Variants in SV2B observed in about 807,000 individuals in gnomAD.
SV2B encodes synaptic vesicle glycoprotein 2B.
A neutral mutation model predicts 73.9 loss-of-function variants in SV2B; 41 were observed. That is an observed-to-expected ratio of 0.56 (90% CI 0.43 to 0.72). The LOEUF (loss-of-function observed/expected upper bound fraction) is 0.72. Among genes scored for constraint, SV2B ranks in the 30% least tolerant of loss-of-function variants. SV2B has a pLI of 0.00. For missense variants in SV2B, 764 were observed against 857.8 expected, an observed-to-expected ratio of 0.89 and a Z score of 1.37; for synonymous variants, 314 against 314.2, an observed-to-expected ratio of 1.00 and a Z score of 0.01.
In SV2B at chr15:91,129,706, C is replaced by T. The variant is rs79681400; in HGVS notation, c.-392+29343C>T. Among the ~76,000 whole-genome samples, 3,101 of 152,260 alleles carry T rather than the reference C, an allele frequency of 0.02. 127 individuals carry two copies. Among genetic ancestry groups the T allele is most frequent in the African/African-American group, 0.07 (2,920 of 41,528 alleles). Reference sequence around the variant, plus strand: ...TGGAGGCGATCTGTTTGATGTGATACGGTCTGTGGATGGAGGCAGTATAAC... The same window carrying T: ...TGGAGGCGATCTGTTTGATGTGATATGGTCTGTGGATGGAGGCAGTATAAC... On this transcript the variant is annotated intron_variant, in intron 1 of 12. Coordinates refer to ENST00000394232, the MANE Select transcript of SV2B (RefSeq NM_001323032.3). This position sits in a 1 kb window ranked among gnomAD's most constrained non-coding sequence, Gnocchi z 5.1.
rs761997095 is a variant in SV2B at position 91,268,623 on chromosome 15, G to A, written c.1373+18G>A. ...AATGATAAGTAAGTGAGTGATCACG[G>A]GCTTCCCTCACATCAGGGTGACAGT... On this transcript the variant is annotated intron_variant, in intron 9 of 12. Transcript: ENST00000394232. The surrounding 1 kb of genome is among the most constrained non-coding windows in gnomAD (Gnocchi z 4.4). 4 of 1,602,788 alleles carry A rather than the reference G, an allele frequency of 2.5e-6. No homozygotes were observed. The East Asian group carries it at 6.7e-5, about 27-fold the overall frequency.
chr15:91,266,472 G>A lies in SV2B; in HGVS notation c.1009-110G>A, dbSNP rs937852423. On this transcript the variant is annotated intron_variant, in intron 6 of 12. Transcript: ENST00000394232. ...TTTTGAGTATGCTCTTTGAGAAATC[G>A]CAGACTCCTCTAGTCCTAAATCAGT... is the stretch of plus-strand genomic sequence containing the variant. The A allele has an allele frequency of 2.6e-5, 20 of 771,774 alleles. No homozygotes were observed. In the African/African-American group the frequency reaches 3.0e-4, roughly 12 times the overall value. 47.8% of individuals were successfully genotyped at this position (771,774 alleles called of 1,614,324 possible).
intron 1 of SV2B, among the ~76,000 whole-genome samples, chr15:91,163,257 T>A (rs76342490): frequency 5.3e-5 from 8 of 152,020 alleles, no homozygotes; most frequent in African/African-American, 1.9e-4. Context: ...AGCATGATTT[T>A]TAACCCTTTG....
In SV2B at chr15:91,153,201, AC is replaced by A. The variant is rs563957119; in HGVS notation, c.-392+52839del. On this transcript the variant is annotated intron_variant, in intron 1 of 12. Coordinates refer to ENST00000394232, the MANE Select transcript of SV2B (RefSeq NM_001323032.3). ...AAGGTGGAGCCCTCGTGACTTACTT[AC>A]TTCACCTCCACCTCTTAATACTATC... is the stretch of plus-strand genomic sequence containing the variant. Among the ~76,000 whole-genome samples the A allele has an allele frequency of 2.3e-4, 35 of 152,260 alleles. No individual in the cohort carries two copies. In the East Asian group the frequency reaches 6.8e-3, roughly 29 times the overall value.
chr15:91,266,868 T>C (rs1240467355), intron 7 of SV2B, 176 bp downstream of exon 7: 1 of 505,840 alleles, frequency 2.0e-6, no homozygotes, highest in Non-Finnish European at 3.5e-6. Flanking sequence ...TAGCTTGCTG[T>C]GTGCCCTGGA....
chr15:91,283,821 G>A lies in SV2B; in HGVS notation c.1508-200G>A, dbSNP rs1053994084. On this transcript the variant is annotated intron_variant, in intron 10 of 12. Transcript: ENST00000394232. This position sits in a 1 kb window ranked among gnomAD's most constrained non-coding sequence, Gnocchi z 4.3. ...CCCTTGCTTTTAGGAACTTGAACAG[G>A]TCATTACATTTTTGGAAGTTTCTCT... is the stretch of plus-strand genomic sequence containing the variant. Among the ~76,000 whole-genome samples the A allele has an allele frequency of 3.5e-5, 5 of 141,168 alleles. No individual in the cohort carries two copies. The highest frequency in any genetic ancestry group is 1.4e-4 in the African/African-American group (5 of 35,464). 92.6% of individuals were successfully genotyped at this position (141,168 alleles called of 152,430 possible).
intron 1 of SV2B, among the ~76,000 whole-genome samples, chr15:91,174,398 T>G (rs993444786): frequency 3.9e-5 from 6 of 152,126 alleles, no homozygotes; most frequent in African/African-American, 1.4e-4. Flanking sequence ...TGTTTGAGAG[T>G]GCTTAGTAGG....
At chr15:91,206,201 CTT>C (rs538615675) in intron 1 of SV2B, among the ~76,000 whole-genome samples, 18 of 101,898 alleles carry the variant, frequency 1.8e-4, no homozygotes, top group East Asian at 5.4e-4. Context: ...CCATGCCTGG[CTT>C]TTTTTTTTTT....
intron 11 of SV2B, among the ~76,000 whole-genome samples, chr15:91,286,824 A>G (rs905400247): frequency 6.6e-6 from 1 of 152,134 alleles, no homozygotes; most frequent in Non-Finnish European, 1.5e-5. Flanking sequence ...AGGCCTCCCA[A>G]TTACCAGAGG....
At chr15:91,191,159 G>A (rs144623822) in intron 1 of SV2B, among the ~76,000 whole-genome samples, 4 of 145,506 alleles carry the variant, frequency 2.7e-5, no homozygotes, top group East Asian at 2.1e-4. Flanking sequence ...TCCGCCTCCC[G>A]GGTTCAAGCG....
At chr15:91,233,172 A>G (rs1253270723) in intron 2 of SV2B, among the ~76,000 whole-genome samples, 1 of 152,226 alleles carries the variant, frequency 6.6e-6, no homozygotes, top group East Asian at 1.9e-4. Flanking sequence ...AGGAGTAAAG[A>G]GAGCACTGAT....
In SV2B at chr15:91,136,753, C is replaced by T. The variant is rs1341201783; in HGVS notation, c.-392+36390C>T. 6.6e-6 allele frequency among the ~76,000 whole-genome samples: 1 copy of T among 152,042 alleles called. No individual in the cohort carries two copies. Among genetic ancestry groups the T allele is most frequent in the African/African-American group, 2.4e-5 (1 of 41,408 alleles). ...CTCAGGGAGGAGGGGGTGGTGACAG[C>T]CGGGTTGACCAGCTCTCCTGCTGTG... On this transcript the variant is annotated intron_variant, in intron 1 of 12. Coordinates refer to ENST00000394232, the MANE Select transcript of SV2B (RefSeq NM_001323032.3). This position sits in a 1 kb window ranked among gnomAD's most constrained non-coding sequence, Gnocchi z 5.6.
At chr15:91,279,192 G>C (rs1035320908) in intron 9 of SV2B, among the ~76,000 whole-genome samples, 1 of 152,172 alleles carries the variant, frequency 6.6e-6, no homozygotes, top group African/African-American at 2.4e-5. Context: ...CCTCTATCTT[G>C]ATAATCATCA....
intron 1 of SV2B, among the ~76,000 whole-genome samples, chr15:91,215,068 T>G (rs767708888): frequency 6.6e-6 from 1 of 152,166 alleles, no homozygotes; most frequent in Non-Finnish European, 1.5e-5. Context: ...GAGGGACAGG[T>G]TCTGTCTCCT....
Position 91,280,568 on chromosome 15 carries a change from G to A in SV2B, c.1374-1160G>A, listed in dbSNP as rs897843734. Reference sequence around the variant, plus strand: ...TTAAAGGCTTCCAGCCTAAAAGTTTGACCAAGCTTGTTAAATATAGCCAAC... The same window carrying A: ...TTAAAGGCTTCCAGCCTAAAAGTTTAACCAAGCTTGTTAAATATAGCCAAC... On this transcript the variant is annotated intron_variant, in intron 9 of 12. Coordinates refer to ENST00000394232, the MANE Select transcript of SV2B (RefSeq NM_001323032.3). This position sits in a 1 kb window ranked among gnomAD's most constrained non-coding sequence, Gnocchi z 5.8. Among the ~76,000 whole-genome samples, 45 of 152,232 alleles carry A rather than the reference G, an allele frequency of 3.0e-4. No homozygotes were observed. Among genetic ancestry groups the A allele is most frequent in the African/African-American group, 9.9e-4 (41 of 41,458 alleles).
chr15:91,188,728 G>T (rs7495738), intron 1 of SV2B, among the ~76,000 whole-genome samples: 2 of 151,982 alleles, frequency 1.3e-5, no homozygotes, highest in Non-Finnish European at 2.9e-5. Context: ...GCCCCATCAA[G>T]TATTACAGGT....
intron 1 of SV2B, among the ~76,000 whole-genome samples, chr15:91,202,043 A>G (rs2045478332): frequency 6.6e-6 from 1 of 152,056 alleles, no homozygotes; most frequent in South Asian, 2.1e-4. Flanking sequence ...GTCTTTCTTC[A>G]AATATCTGCA....
chr15:91,127,434 G>A (rs552980087), intron 1 of SV2B, among the ~76,000 whole-genome samples: 3 of 151,946 alleles, frequency 2.0e-5, no homozygotes, highest in South Asian at 2.1e-4. Flanking sequence ...TGGGACTGCC[G>A]GGAAGGCATC....
Position 91,197,043 on chromosome 15 carries a change from C to T in SV2B, c.-391-28830C>T, listed in dbSNP as rs756286849. ...TTTGCTCCTCTGTTGCTCCGCCTGCCGGCTGTGGCAGCCTTTAGCCCATAG... is the reference window on the plus strand; with the variant it reads ...TTTGCTCCTCTGTTGCTCCGCCTGCTGGCTGTGGCAGCCTTTAGCCCATAG... On this transcript the variant is annotated intron_variant, in intron 1 of 12. Coordinates refer to ENST00000394232, the MANE Select transcript of SV2B (RefSeq NM_001323032.3). This position sits in a 1 kb window ranked among gnomAD's most constrained non-coding sequence, Gnocchi z 4.9. 2.2e-4 allele frequency among the ~76,000 whole-genome samples: 33 copies of T among 152,180 alleles called. No homozygotes were observed. The highest frequency in any genetic ancestry group is 7.0e-4 in the African/African-American group (29 of 41,438).
Sources: gnomAD v4.1 joint callset for allele counts (sites outside exome capture counted in the v4.1 genomes callset) on GRCh38, gnomAD v4.1.1 for gene constraint, Gnocchi (gnomAD v3.1) non-coding constraint, MANE v1.5 for transcripts, NCBI Gene and HGNC (gene_info 2026-07-23, HGNC 2026-07-21) for gene names.